The following TENM3 variants were observed in gnomAD, a reference collection of about 807,000 sequenced individuals.
TENM3 encodes teneurin transmembrane protein 3.
Under a neutral mutation model 255.1 loss-of-function variants are expected in TENM3, and 63 were observed. The observed-to-expected ratio is 0.25, with a 90% confidence interval of 0.20 to 0.30. The LOEUF (loss-of-function observed/expected upper bound fraction) is 0.30. Among genes scored for constraint, TENM3 ranks in the 10% least tolerant of loss-of-function variants. The pLI is 1.00. For synonymous variants in TENM3, 1,306 were observed against 1,322.3 expected (o/e 0.99, Z 0.27); for missense variants, 2,929 against 3,461.1 (o/e 0.85, Z 3.86).
At chr4:182,583,881 A>G (rs931341998) in intron 3 of TENM3, among the ~76,000 whole-genome samples, 2 of 152,226 alleles carry the variant, frequency 1.3e-5, no homozygotes, top group African/African-American at 2.4e-5. Context: ...TTTGTGAGCT[A>G]TGTGTCTTTG....
At chr4:181,602,822 A>G in the TENM3 span, among the ~76,000 whole-genome samples, 1 of 152,212 alleles carries the variant, frequency 6.6e-6, no homozygotes, top group Non-Finnish European at 1.5e-5. Flanking sequence ...ACCACATGCC[A>G]TTGTTATAGT....
chr4:181,480,878 T>C, the TENM3 span, among the ~76,000 whole-genome samples: 2 of 150,644 alleles, frequency 1.3e-5, no homozygotes, highest in Non-Finnish European at 3.0e-5. Flanking sequence ...CATTCACTTA[T>C]ATATGAATGA....
intron 3 of TENM3, among the ~76,000 whole-genome samples, chr4:182,436,560 C>T (rs1772063327): frequency 6.6e-6 from 1 of 152,200 alleles, no homozygotes; most frequent in Admixed American, 6.5e-5. Flanking sequence ...GACACCGAAT[C>T]ATTGGAAAAG....
At chr4:181,704,031 A>G in the TENM3 span, among the ~76,000 whole-genome samples, 1 of 152,098 alleles carries the variant, frequency 6.6e-6, no homozygotes, top group Admixed American at 6.6e-5. Flanking sequence ...GGAAGTACCA[A>G]CTTCTGCAAT....
intron 25 of TENM3, among the ~76,000 whole-genome samples, chr4:182,790,836 A>G (rs1766049333): frequency 6.6e-6 from 1 of 152,180 alleles, no homozygotes; most frequent in Non-Finnish European, 1.5e-5. Flanking sequence ...GCACTGGGAA[A>G]TGTTTAGAGG....
chr4:181,968,634 A>C, the TENM3 span, among the ~76,000 whole-genome samples: 1 of 152,206 alleles, frequency 6.6e-6, no homozygotes, highest in African/African-American at 2.4e-5. Context: ...AAAATGACTA[A>C]GAATCATGTT....
intron 1 of TENM3, among the ~76,000 whole-genome samples, chr4:182,248,311 G>C (rs1757784335): frequency 6.6e-6 from 1 of 152,026 alleles, no homozygotes; most frequent in African/African-American, 2.4e-5. Flanking sequence ...TATATCAATA[G>C]TCTTAGCCTT....
chr4:181,780,538 A>C, the TENM3 span, among the ~76,000 whole-genome samples: 7 of 152,196 alleles, frequency 4.6e-5, no homozygotes, highest in South Asian at 6.2e-4. Flanking sequence ...GGATATTAGC[A>C]CTTTGTCAGA....
the TENM3 span, among the ~76,000 whole-genome samples, chr4:181,541,707 C>T: frequency 6.6e-6 from 1 of 152,218 alleles, no homozygotes; most frequent in Non-Finnish European, 1.5e-5. Context: ...AGGAACCTCA[C>T]TGATATCTCC....
the TENM3 span, among the ~76,000 whole-genome samples, chr4:181,637,314 G>C: frequency 3.3e-5 from 5 of 152,142 alleles, no homozygotes; most frequent in African/African-American, 4.8e-5. Context: ...CCTCCATGTG[G>C]TGACTAAGAA....
chr4:182,523,452 A>C (rs1005650332), intron 3 of TENM3, among the ~76,000 whole-genome samples: 1 of 152,092 alleles, frequency 6.6e-6, no homozygotes, highest in Non-Finnish European at 1.5e-5. Context: ...CTTTGTGCAT[A>C]ATGTGATGGG....
chr4:182,200,248 A>G (rs1449243404), intron 1 of TENM3, among the ~76,000 whole-genome samples: 1 of 152,224 alleles, frequency 6.6e-6, no homozygotes. Flanking sequence ...ACTAGAAATA[A>G]TGGTGCCAAA....
the TENM3 span, among the ~76,000 whole-genome samples, chr4:181,487,572 A>G: frequency 6.6e-6 from 1 of 152,140 alleles, no homozygotes; most frequent in Non-Finnish European, 1.5e-5. Context: ...TCACTCAAGG[A>G]GGCTCTGCCC....
At chr4:181,844,783 C>G in the TENM3 span, among the ~76,000 whole-genome samples, 1 of 152,146 alleles carries the variant, frequency 6.6e-6, no homozygotes. Flanking sequence ...AGATGCTCTT[C>G]GGGGTAAGTG....
At chr4:182,160,153 C>T (rs7680980) in intron 1 of TENM3, among the ~76,000 whole-genome samples, 18,464 of 148,800 alleles carry the variant, frequency 0.12, 1,630 homozygotes, top group East Asian at 0.37. Flanking sequence ...CAGGCGCCCG[C>T]CACCACGCCT....
the TENM3 span, among the ~76,000 whole-genome samples, chr4:181,749,432 C>T: frequency 6.6e-6 from 1 of 152,034 alleles, no homozygotes; most frequent in South Asian, 2.1e-4. Context: ...GACCTTAAAA[C>T]AGATCTCTTA....
chr4:182,115,158 G>A, the TENM3 span, among the ~76,000 whole-genome samples: 2 of 152,142 alleles, frequency 1.3e-5, no homozygotes, highest in African/African-American at 4.8e-5. Context: ...TCCAGCCTAG[G>A]TGACAGAGTA....
At chr4:181,592,758 C>T in the TENM3 span, among the ~76,000 whole-genome samples, 1 of 150,352 alleles carries the variant, frequency 6.7e-6, no homozygotes, top group Non-Finnish European at 1.5e-5. Flanking sequence ...TTTCTGGAGG[C>T]TGGTGTCAAG....
the TENM3 span, among the ~76,000 whole-genome samples, chr4:181,710,561 C>T: frequency 6.6e-6 from 1 of 152,000 alleles, no homozygotes; most frequent in African/African-American, 2.4e-5. Context: ...ACTAAAAACG[C>T]AAAAATTAGC....
Sources: gnomAD v4.1 joint callset for allele counts (sites outside exome capture counted in the v4.1 genomes callset) on GRCh38, gnomAD v4.1.1 for gene constraint, MANE v1.5 for transcripts, NCBI Gene and HGNC (gene_info 2026-07-23, HGNC 2026-07-21) for gene names.